TBR1: variants seen among roughly 807,000 people sequenced by gnomAD.
The protein encoded by TBR1 is T-box brain protein 1.
TBR1 carries 7 observed loss-of-function variants against 60.3 expected under a neutral mutation model. That is an observed-to-expected ratio of 0.12 (90% confidence interval 0.07 to 0.22). The LOEUF is 0.22. Ranked by LOEUF, TBR1 falls within the 10% of genes least tolerant of loss-of-function variation. The pLI is 1.00. For missense variants in TBR1, 616 were observed against 936.8 expected (o/e 0.66, Z 4.47); for synonymous variants, 417 against 409.9 (o/e 1.02, Z -0.21).
Position 161,418,240 on chromosome 2 carries a change from G to C in TBR1, c.887G>C (p.Gly296Ala). Residue 296 changes from glycine (G) to alanine (A), a missense_variant, in exon 3 of 6, where the codon GGG becomes GCG. Transcript: ENST00000389554. ...ATGCATCCGGATTCCCCCAACACTG[G>C]GGCTCACTGGATGCGCCAAGAAATC... is the stretch of plus-strand genomic sequence containing the variant. ...VYMHPDSPNT[G>A]AHWMRQEISF... 14 of 1,613,850 alleles carry C rather than the reference G, an allele frequency of 8.7e-6. No individual in the cohort carries two copies. The highest frequency in any genetic ancestry group is 1.2e-5 in the Non-Finnish European group (14 of 1,179,958).
chr2:161,420,504 G>GAAAC, intron 5 of TBR1: 1 of 258,998 alleles, frequency 3.9e-6, no homozygotes, highest in Non-Finnish European at 7.1e-6. Flanking sequence ...TTGGTCAGAG[G>GAAAC]TTTCCTCCAC....
rs1028367079 is a variant in TBR1, at chr2:161,424,786, A to G, written c.*559A>G. The G allele has an allele frequency of 1.3e-5, 2 of 152,704 alleles. No individual in the cohort carries two copies. Among genetic ancestry groups the G allele is most frequent in the African/African-American group, 4.8e-5 (2 of 41,458 alleles). 9.5% of individuals were successfully genotyped at this position (152,704 alleles called of 1,614,324 possible). ...TTGTACATAGTGTTAATTTATTGTA[A>G]CGAATGGCTAGTTTTTATTCTCGTC... On this transcript the variant is annotated 3_prime_UTR_variant, in exon 6 of 6. Coordinates refer to ENST00000389554, the MANE Select transcript of TBR1 (RefSeq NM_006593.4). This position sits in a 1 kb window ranked among gnomAD's most constrained non-coding sequence, Gnocchi z 4.4.
chr2:161,422,812 G>A (rs954939791), intron 5 of TBR1: 2 of 152,216 alleles, frequency 1.3e-5, no homozygotes, highest in Non-Finnish European at 2.9e-5. Flanking sequence ...ATTACTGCGT[G>A]CGCGGCTTTT....
chr2:161,423,727 G>A lies in TBR1; in HGVS notation c.1549G>A (p.Ala517Thr), dbSNP rs1441669969. ...AGNAATLLSYAAAGVKALPLQ... is the reference protein window; with the variant it reads ...AGNAATLLSYTAAGVKALPLQ... The stretch of plus-strand genomic sequence containing the variant: ...CAACGCGGCCACGCTGCTCTCTTAC[G>A]CGGCGGCGGGCGTGAAGGCGCTGCC... The change falls in exon 6 of 6, where the codon GCG (alanine) becomes ACG (threonine). Residue 517 changes from alanine (A) to threonine (T), a missense_variant. Transcript: ENST00000389554. 1.3e-6 allele frequency: 2 copies of A among 1,520,456 alleles called. No individual in the cohort carries two copies. The highest frequency in any genetic ancestry group is 2.4e-5 in the South Asian group (2 of 81,916). 94.2% of individuals were successfully genotyped at this position (1,520,456 alleles called of 1,614,324 possible).
At chr2:161,419,277 C>T (rs1274746826) in intron 4 of TBR1, 6 of 560,340 alleles carry the variant, frequency 1.1e-5, no homozygotes, top group Middle Eastern at 4.8e-4. Context: ...GCTGGTCACC[C>T]GGGCCACCTT....
At chr2:161,420,649 ATGTC>A (rs1201331856) in intron 5 of TBR1, 1 of 157,086 alleles carries the variant, frequency 6.4e-6, no homozygotes, top group African/African-American at 2.4e-5. Flanking sequence ...CAGATTGTCT[ATGTC>A]TGTCTGAAAC....
intron 5 of TBR1, chr2:161,422,489 C>T (rs1198425253): frequency 6.6e-6 from 1 of 152,220 alleles, no homozygotes; most frequent in African/African-American, 2.4e-5. Flanking sequence ...TATAGTCGAG[C>T]TCCGTAAAGG....
At chr2:161,418,810 GCGCAGCCGGGCGCA>G in intron 3 of TBR1, 68 bp from the exon 4 acceptor site, 1 of 1,509,384 alleles carries the variant, frequency 6.6e-7, no homozygotes, top group Admixed American at 2.2e-5. Flanking sequence ...CGGCCCGGGC[GCGCAGCCGGGCGCA>G]CACAGCCACG....
intron 5 of TBR1, chr2:161,422,945 TGACCGCAGAGGAAAG>T (rs1684256038): frequency 6.3e-6 from 1 of 159,820 alleles, no homozygotes; most frequent in East Asian, 1.8e-4. Flanking sequence ...ACTCATAAAC[TGACCGCAGAGGAAAG>T]GCCCACTGGG....
chr2:161,420,386 CT>C (rs1684209053), intron 5 of TBR1, 129 bp downstream of exon 5: 2 of 328,666 alleles, frequency 6.1e-6, no homozygotes, highest in Non-Finnish European at 1.1e-5. Context: ...AGGACTTCTT[CT>C]TCTTCGTCTT....
At position 161,417,913 on chromosome 2, in the gene TBR1, C is replaced by A. The variant is rs906851041; in HGVS notation, c.847+83C>A. 69 of 1,517,632 alleles carry A rather than the reference C, an allele frequency of 4.5e-5. No individual in the cohort carries two copies. Among genetic ancestry groups the A allele is most frequent in the Middle Eastern group, 1.7e-4 (1 of 5,766 alleles). The allele number at this position is 1,517,632 out of a possible 1,614,324, so 94.0% of individuals were successfully genotyped here. A position where few individuals can be genotyped will look rare whatever the true frequency, so the allele number is the denominator to read the frequency against. ...TAAAGCCTTTGTGGACTGGCTCGAGCGACTTTTAAAACGATCGGCCAATGA... is the reference window on the plus strand; with the variant it reads ...TAAAGCCTTTGTGGACTGGCTCGAGAGACTTTTAAAACGATCGGCCAATGA... On this transcript the variant is annotated intron_variant, in intron 2 of 5. Coordinates refer to ENST00000389554, the MANE Select transcript of TBR1 (RefSeq NM_006593.4). This position sits in a 1 kb window ranked among gnomAD's most constrained non-coding sequence, Gnocchi z 5.3.
rs2105279038 is a variant in TBR1, at chr2:161,417,954, GAGGGGGAC to G, written c.847+135_847+142del. 6.8e-7 allele frequency: 1 copy of G among 1,472,110 alleles called. No individual in the cohort carries two copies. Among genetic ancestry groups the G allele is most frequent in the Admixed American group, 2.6e-5 (1 of 38,624 alleles). 91.2% of individuals were successfully genotyped at this position (1,472,110 alleles called of 1,614,324 possible). A position where few individuals can be genotyped will look rare whatever the true frequency, so the allele number is the denominator to read the frequency against. On this transcript the variant is annotated intron_variant, in intron 2 of 5. Transcript: ENST00000389554. This position sits in a 1 kb window ranked among gnomAD's most constrained non-coding sequence, Gnocchi z 5.3. ...CGGCCAATGACTTCTAAAAGGAAAC[GAGGGGGAC>G]AGGGGGACAGACTGAGCTGCGAGAA...
In TBR1 at chr2:161,423,557, G is replaced by A; in HGVS notation, c.1379G>A (p.Ser460Asn). The change falls in exon 6 of 6, where the codon AGC becomes AAC. Residue 460 changes from serine to asparagine, a missense_variant. Ser to Asn is a conservative substitution (Grantham distance 46, BLOSUM62 1). This residue lies in a region of TBR1 where 80 missense variants were observed against 75.3 expected (regional missense o/e 1.06). Transcript: ENST00000389554. ...GAGPGPGTDR[S>N]VPHTNGLLSP... The stretch of plus-strand genomic sequence containing the variant: ...GGCCCCGGGCCGGGTACGGACCGCA[G>A]CGTGCCGCACACCAACGGGCTGCTG... 6.4e-7 allele frequency: 1 copy of A among 1,562,000 alleles called. No homozygotes were observed. Among genetic ancestry groups the A allele is most frequent in the South Asian group, 1.2e-5 (1 of 85,472 alleles).
At position 161,423,624 on chromosome 2, in the gene TBR1, A is replaced by G; in HGVS notation, c.1446A>G (p.Gln482=). The G allele has an allele frequency of 6.5e-7, 1 of 1,537,660 alleles. No individual in the cohort carries two copies. The highest frequency in any genetic ancestry group is 8.7e-7 in the Non-Finnish European group (1 of 1,149,970). ...AGGACCCGGGCGCGCCCTCGCCGCA[A>G]CGCTGGTTTGTGACGCCGGCCAACA... ...QAEDPGAPSP[Q]RWFVTPANNR... Residue 482 remains glutamine (Q), a synonymous_variant, in exon 6 of 6, where the codon CAA becomes CAG. Transcript: ENST00000389554.
Position 161,424,218 on chromosome 2 carries a change from G to C in TBR1, c.2040G>C (p.Ser680=), listed in dbSNP as rs1281055684. 1 of 1,579,202 alleles carries C rather than the reference G, an allele frequency of 6.3e-7. No individual in the cohort carries two copies. Among genetic ancestry groups the C allele is most frequent in the South Asian group, 1.1e-5 (1 of 87,462 alleles). Residue 680 remains serine (S), a synonymous_variant, in exon 6 of 6, where the codon TCG becomes TCC. Transcript: ENST00000389554. This position sits in a 1 kb window ranked among gnomAD's most constrained non-coding sequence, Gnocchi z 4.4. The part of the protein sequence containing the change: ...KDISGYYGFY[S]HS ...TTAGCGGCTACTATGGCTTCTACTCGCACAGCTAGGCCGCCCCTGCCCGCC... is the reference window on the plus strand; with the variant it reads ...TTAGCGGCTACTATGGCTTCTACTCCCACAGCTAGGCCGCCCCTGCCCGCC...
chr2:161,418,785 G>T, intron 3 of TBR1, 107 bp from the exon 4 acceptor site: 1 of 1,434,444 alleles, frequency 7.0e-7, no homozygotes, highest in East Asian at 2.5e-5. Flanking sequence ...AAGGCGGGCT[G>T]CAGGCTGCCT....
At chr2:161,420,903 GCTT>G (rs1483190444) in intron 5 of TBR1, 2 of 152,204 alleles carry the variant, frequency 1.3e-5, no homozygotes, top group South Asian at 2.1e-4. Flanking sequence ...TTATTTATAA[GCTT>G]CAAAAGAAAA....
In TBR1 at chr2:161,416,644, C is replaced by T; in HGVS notation, c.234C>T (p.Val78=). The T allele has an allele frequency of 6.2e-7, 1 of 1,614,214 alleles. No homozygotes were observed. The highest frequency in any genetic ancestry group is 8.5e-7 in the Non-Finnish European group (1 of 1,180,044). ...ACTCCAAGGACTCACCAGGGGACGTCCAGAGAAGTAAACTCTCTCCTGTCT... is the reference window on the plus strand; with the variant it reads ...ACTCCAAGGACTCACCAGGGGACGTTCAGAGAAGTAAACTCTCTCCTGTCT... The part of the protein sequence containing the change: ...FPDSKDSPGD[V]QRSKLSPVLD... Residue 78 remains valine, a synonymous_variant, in exon 1 of 6, where the codon GTC becomes GTT. Coordinates refer to ENST00000389554, the MANE Select transcript of TBR1 (RefSeq NM_006593.4). The surrounding 1 kb of genome is among the most constrained non-coding windows in gnomAD (Gnocchi z 6.1).
At chr2:161,420,418 C>CTTTTTTTTTTTTTTTTTTT (rs67826360) in intron 5 of TBR1, 161 bp downstream of exon 5, 4 of 93,956 alleles carry the variant, frequency 4.3e-5, no homozygotes, top group Non-Finnish European at 6.4e-5. Flanking sequence ...TCTTCCTCTT[C>CTTTTTTTTTTTTTTTTTTT]TTTTTTTTTT....
Sources: allele counts gnomAD v4.1 joint callset, GRCh38; gene constraint gnomAD v4.1.1; regional missense constraint gnomAD v4.1.1; non-coding constraint Gnocchi (gnomAD v3.1); transcripts MANE v1.5; gene names NCBI Gene and HGNC (gene_info 2026-07-23, HGNC 2026-07-21).